Variants in RABGAP1L observed in about 807,000 individuals in gnomAD.
RABGAP1L encodes rab GTPase-activating protein 1-like.
In RABGAP1L, 63 loss-of-function variants were observed where a neutral mutation model predicts 137.7. The observed-to-expected ratio is 0.46, with a 90% CI of 0.37 to 0.56. The LOEUF (loss-of-function observed/expected upper bound fraction) is 0.56. RABGAP1L is among the 20% of genes least tolerant of loss of function. RABGAP1L has a pLI of 0.00. For missense variants in RABGAP1L, 1,095 were observed against 1,244.0 expected (o/e 0.88, Z 1.80); for synonymous variants, 431 against 433.7 (o/e 0.99, Z 0.08).
chr1:174,949,008 A>G (rs1384391854), intron 19 of RABGAP1L: 2 of 152,174 alleles, frequency 1.3e-5, no homozygotes, highest in Admixed American at 6.5e-5. Context: ...CTTCCTGACT[A>G]TTTTCATATT....
At chr1:174,840,244 C>T (rs1693232362) in intron 19 of RABGAP1L, among the ~76,000 whole-genome samples, 1 of 152,152 alleles carries the variant, frequency 6.6e-6, no homozygotes, top group African/African-American at 2.4e-5. Flanking sequence ...AAGATTACAG[C>T]ATTATTTTCC....
chr1:174,421,629 A>G (rs905098622), intron 13 of RABGAP1L, among the ~76,000 whole-genome samples: 1 of 152,060 alleles, frequency 6.6e-6, no homozygotes, highest in Non-Finnish European at 1.5e-5. Context: ...TTTTGCCTTT[A>G]TTCTTTATTC....
chr1:174,456,552 G>A (rs1486267366), intron 13 of RABGAP1L, among the ~76,000 whole-genome samples: 2 of 151,996 alleles, frequency 1.3e-5, no homozygotes, highest in African/African-American at 4.8e-5. Context: ...GCTTTTGTAT[G>A]TTTGTAATCT....
intron 14 of RABGAP1L, among the ~76,000 whole-genome samples, chr1:174,646,560 A>G (rs1244405719): frequency 6.6e-6 from 1 of 152,040 alleles, no homozygotes; most frequent in African/African-American, 2.4e-5. Context: ...GTTCTGTTCC[A>G]TTGGTCTATA....
intron 14 of RABGAP1L, among the ~76,000 whole-genome samples, chr1:174,645,930 G>T (rs1674933613): frequency 6.6e-6 from 1 of 151,982 alleles, no homozygotes; most frequent in African/African-American, 2.4e-5. Context: ...TCTCATTGTG[G>T]TTTTGATATG....
At chr1:174,181,277 A>G (rs991253750) in intron 1 of RABGAP1L, among the ~76,000 whole-genome samples, 2 of 151,634 alleles carry the variant, frequency 1.3e-5, no homozygotes, top group East Asian at 1.9e-4. Flanking sequence ...AGTAGCTGGA[A>G]TTATGTGCAT....
At chr1:174,691,468 C>T (rs556079314) in intron 15 of RABGAP1L, among the ~76,000 whole-genome samples, 1 of 152,274 alleles carries the variant, frequency 6.6e-6, no homozygotes, top group South Asian at 2.1e-4. Context: ...ACATTTATTA[C>T]CAAACGGTGA....
chr1:174,716,658 C>T (rs779021212), intron 17 of RABGAP1L, among the ~76,000 whole-genome samples: 6 of 151,940 alleles, frequency 3.9e-5, no homozygotes, highest in Non-Finnish European at 7.4e-5. Flanking sequence ...TTTTTTCTTT[C>T]GATACCTTTG....
chr1:174,176,737 A>AT lies in RABGAP1L; in HGVS notation c.-34+17080_-34+17081insT, dbSNP rs1271843194. Among the ~76,000 whole-genome samples the AT allele has an allele frequency of 7.6e-3, 1,003 of 132,794 alleles. 42 individuals are homozygous for AT. The highest frequency in any genetic ancestry group is 0.016 in the Middle Eastern group (4 of 248). The allele number at this position is 132,794 out of a possible 152,430, so 87.1% of individuals were successfully genotyped here. A position where few individuals can be genotyped will look rare whatever the true frequency, so the allele number is the denominator to read the frequency against. ...AGAAAAAAAAAAAAAAAAAAAAAAA[A>AT]AAAAAAAAAGGTCAACATTTGTTAA... On this transcript the variant is annotated intron_variant, in intron 1 of 25. Transcript: ENST00000681986.
chr1:174,191,060 A>G (rs945295290), intron 1 of RABGAP1L, among the ~76,000 whole-genome samples: 1 of 152,214 alleles, frequency 6.6e-6, no homozygotes, highest in African/African-American at 2.4e-5. Context: ...AACTATTGCA[A>G]TAGTAATACC....
chr1:174,612,966 G>T (rs1557899228), intron 13 of RABGAP1L, among the ~76,000 whole-genome samples: 1 of 151,078 alleles, frequency 6.6e-6, no homozygotes, highest in Non-Finnish European at 1.5e-5. Flanking sequence ...TATTAGTCTT[G>T]CTAGTGGTCT....
chr1:174,447,199 A>G (rs1654865261), intron 13 of RABGAP1L, among the ~76,000 whole-genome samples: 1 of 152,184 alleles, frequency 6.6e-6, no homozygotes, highest in Admixed American at 6.5e-5. Flanking sequence ...ATGGATTAAA[A>G]CTGCTTTCAT....
intron 13 of RABGAP1L, among the ~76,000 whole-genome samples, chr1:174,433,691 G>A (rs930630243): frequency 2.6e-5 from 4 of 152,046 alleles, no homozygotes; most frequent in African/African-American, 7.2e-5. Flanking sequence ...TGTGCAGGCT[G>A]GATATACTTA....
At chr1:174,163,514 GA>G (rs1181675167) in intron 1 of RABGAP1L, among the ~76,000 whole-genome samples, 1 of 151,824 alleles carries the variant, frequency 6.6e-6, no homozygotes. Context: ...TTTAGAGTTA[GA>G]TTTGGGCTAA....
chr1:174,747,358 C>T (rs1683953554), intron 17 of RABGAP1L, among the ~76,000 whole-genome samples: 2 of 139,732 alleles, frequency 1.4e-5, no homozygotes, highest in African/African-American at 5.4e-5. Flanking sequence ...GTGGTGATCA[C>T]ACCACTGCAC....
intron 13 of RABGAP1L, among the ~76,000 whole-genome samples, chr1:174,501,178 T>C (rs1661236504): frequency 6.6e-6 from 1 of 151,952 alleles, no homozygotes; most frequent in Non-Finnish European, 1.5e-5. Flanking sequence ...AGACCCTACA[T>C]TTTCTAAACT....
At chr1:174,162,985 A>T (rs577434377) in intron 1 of RABGAP1L, among the ~76,000 whole-genome samples, 67 of 150,740 alleles carry the variant, frequency 4.4e-4, no homozygotes, top group African/African-American at 1.6e-3. Flanking sequence ...GATATACCTA[A>T]TGCTAGATGA....
At chr1:174,715,896 C>T (rs1425265987) in intron 17 of RABGAP1L, among the ~76,000 whole-genome samples, 1 of 152,202 alleles carries the variant, frequency 6.6e-6, no homozygotes, top group African/African-American at 2.4e-5. Flanking sequence ...TTTCCAGCTG[C>T]ACTTTTCAGG....
At chr1:174,416,586 C>T (rs145036155) in intron 13 of RABGAP1L, among the ~76,000 whole-genome samples, 79 of 152,186 alleles carry the variant, frequency 5.2e-4, no homozygotes, top group Middle Eastern at 3.4e-3. Context: ...CTGGAACAAG[C>T]CATGCTGCTT....
Sources: gnomAD v4.1 joint callset for allele counts (sites outside exome capture counted in the v4.1 genomes callset) on GRCh38, gnomAD v4.1.1 for gene constraint, MANE v1.5 for transcripts, NCBI Gene and HGNC (gene_info 2026-07-23, HGNC 2026-07-21) for gene names.